PCNT: variants seen among roughly 807,000 people sequenced by gnomAD.
The protein encoded by PCNT is pericentrin.
PCNT carries 319 observed loss-of-function variants against 380.4 expected under a neutral mutation model. The ratio of observed to expected loss-of-function variants is 0.84; its 90% CI spans 0.77 to 0.92. PCNT has a LOEUF of 0.92. PCNT is among the 40% of genes least tolerant of loss of function. PCNT has a pLI of 0.00. For synonymous variants in PCNT, 1,845 were observed against 1,735.2 expected, an observed-to-expected ratio of 1.06 and a Z score of -1.57; for missense variants, 4,400 against 4,255.3, an observed-to-expected ratio of 1.03 and a Z score of -0.95.
At chr21:46,398,306 C>T in intron 24 of PCNT, 51 bp downstream of exon 24, 1 of 1,556,390 alleles carries the variant, frequency 6.4e-7, no homozygotes, top group Non-Finnish European at 8.7e-7. Flanking sequence ...GCCCAGGCTC[C>T]CCTGCGCTCG....
intron 16 of PCNT, among the ~76,000 whole-genome samples, chr21:46,383,459 G>A (rs1322509137): frequency 6.2e-5 from 9 of 144,618 alleles, no homozygotes; most frequent in East Asian, 4.3e-4. Context: ...GCGTTCAGTG[G>A]CAGAAGCGCA....
intron 11 of PCNT, among the ~76,000 whole-genome samples, chr21:46,354,398 T>C (rs1373318588): frequency 6.6e-6 from 1 of 152,268 alleles, no homozygotes; most frequent in African/African-American, 2.4e-5. Flanking sequence ...TGTCTTTGCT[T>C]TGAGTCCACA....
chr21:46,343,034 C>T, intron 3 of PCNT, among the ~76,000 whole-genome samples: 1 of 152,168 alleles, frequency 6.6e-6, no homozygotes, highest in East Asian at 1.9e-4. Context: ...TGAAACTTTA[C>T]TGAATTCATC....
At chr21:46,370,542 T>A (rs531436813) in intron 15 of PCNT, among the ~76,000 whole-genome samples, 22 of 151,860 alleles carry the variant, frequency 1.4e-4, no homozygotes, top group Admixed American at 7.9e-4. Flanking sequence ...GCTGGAGGGG[T>A]CATCCCAGGT....
At chr21:46,430,395 G>A (rs2087699824) in intron 36 of PCNT, 112 bp from the exon 37 acceptor site, 3 of 1,454,004 alleles carry the variant, frequency 2.1e-6, no homozygotes, top group Non-Finnish European at 2.8e-6. Context: ...GGTGGGGGGT[G>A]AAGCACACGT....
intron 1 of PCNT, among the ~76,000 whole-genome samples, chr21:46,324,485 C>T (rs1183714227): frequency 6.6e-5 from 10 of 151,600 alleles, no homozygotes; most frequent in African/African-American, 1.7e-4. Flanking sequence ...AGGTCCCGCC[C>T]CCGCCGCGGC....
chr21:46,389,074 T>A, intron 18 of PCNT, 125 bp from the exon 19 acceptor site: 7 of 1,258,170 alleles, frequency 5.6e-6, no homozygotes, highest in Non-Finnish European at 7.9e-6. Context: ...CCCGTGGACG[T>A]GGCGCTGACT....
In PCNT at chr21:46,416,535, C is replaced by A; in HGVS notation, c.6617C>A (p.Thr2206Asn). The A allele has an allele frequency of 2.5e-6, 4 of 1,613,722 alleles. No homozygotes were observed. Among genetic ancestry groups the A allele is most frequent in the Non-Finnish European group, 3.4e-6 (4 of 1,179,976 alleles). The change falls in exon 30 of 47, where the codon ACT becomes AAT. Residue 2206 changes from threonine (T) to asparagine (N), a missense_variant. By Grantham distance (65) the Thr-to-Asn change is moderately conservative. Coordinates refer to ENST00000359568, the MANE Select transcript of PCNT (RefSeq NM_006031.6). Reference sequence around the variant, plus strand: ...GGTGGCTCCCGCCACCAGAGCCACACTGCAGAGGCTGGGCCCCGGAAGAGC... The same window carrying A: ...GGTGGCTCCCGCCACCAGAGCCACAATGCAGAGGCTGGGCCCCGGAAGAGC... Reference protein sequence around the residue: ...VLGGSRHQSHTAEAGPRKSPV... With the variant: ...VLGGSRHQSHNAEAGPRKSPV...
chr21:46,346,964 G>T lies in PCNT; in HGVS notation c.942G>T (p.Lys314Asn). 6.3e-7 allele frequency: 1 copy of T among 1,596,646 alleles called. No individual in the cohort carries two copies. The highest frequency in any genetic ancestry group is 1.1e-5 in the South Asian group (1 of 87,898). ...TCAGGGAGCAGCACGCACGGGAGAA[G>T]GAGGAGGTGGTGCTCAGGTGTGGAC... ...ELLREQHARE[K>N]EEVVLRCGQE... Residue 314 changes from lysine (K) to asparagine (N), a missense_variant, in exon 5 of 47, where the codon AAG becomes AAT. By Grantham distance (94) the Lys-to-Asn change is moderately conservative. Coordinates refer to ENST00000359568, the MANE Select transcript of PCNT (RefSeq NM_006031.6).
At chr21:46,393,117 A>T (rs2086088859) in intron 21 of PCNT, among the ~76,000 whole-genome samples, 1 of 152,046 alleles carries the variant, frequency 6.6e-6, no homozygotes, top group African/African-American at 2.4e-5. Flanking sequence ...GGGCGGCGTC[A>T]TCTCCCCACG....
In PCNT at chr21:46,416,484, C is replaced by G; in HGVS notation, c.6566C>G (p.Ser2189Cys). Residue 2189 changes from serine to cysteine, a missense_variant, in exon 30 of 47, where the codon TCT becomes TGT. Ser to Cys is a moderately radical substitution (Grantham distance 112). Transcript: ENST00000359568. ...IQEKSECQDM[S>C]LSSPTSVLGG... is the part of the protein sequence containing the mutation. ...GAAAAATCAGAATGTCAGGACATGT[C>G]TCTTTCTTCACCGACCAGCGTACTT... The G allele has an allele frequency of 1.2e-6, 2 of 1,614,128 alleles. No homozygotes were observed. Among genetic ancestry groups the G allele is most frequent in the South Asian group, 1.1e-5 (1 of 91,086 alleles).
intron 15 of PCNT, among the ~76,000 whole-genome samples, chr21:46,372,659 A>T (rs2085192547): frequency 6.6e-6 from 1 of 152,202 alleles, no homozygotes; most frequent in African/African-American, 2.4e-5. Flanking sequence ...TCTAGCCATA[A>T]AGTAAGGTTT....
chr21:46,432,340 T>G, intron 38 of PCNT, 125 bp downstream of exon 38: 1 of 902,262 alleles, frequency 1.1e-6, no homozygotes, highest in Non-Finnish European at 1.8e-6. Flanking sequence ...CTGGTCTGTG[T>G]GCCCTGACGC....
chr21:46,361,074 T>TA (rs1405670710), intron 13 of PCNT, among the ~76,000 whole-genome samples: 1 of 152,200 alleles, frequency 6.6e-6, no homozygotes, highest in East Asian at 1.9e-4. Flanking sequence ...ATTATGTTTT[T>TA]AATAGTTGCT....
At chr21:46,437,210 G>A in intron 40 of PCNT, 129 bp downstream of exon 40, 1 of 683,356 alleles carries the variant, frequency 1.5e-6, no homozygotes, top group Non-Finnish European at 2.6e-6. Flanking sequence ...TGAATTCATG[G>A]TTGCTATCTG....
chr21:46,416,316 C>T lies in PCNT; in HGVS notation c.6398C>T (p.Thr2133Ile), dbSNP rs747029002. The part of the protein sequence containing the change: ...SPHIDTCDAN[T>I]ATGGVTDVIK... ...CACATAGACACATGTGATGCCAATACAGCCACGGGGGGTGTAACTGATGTT... is the reference window on the plus strand; with the variant it reads ...CACATAGACACATGTGATGCCAATATAGCCACGGGGGGTGTAACTGATGTT... Residue 2133 changes from threonine (T) to isoleucine (I), a missense_variant, in exon 30 of 47, where the codon ACA becomes ATA. By Grantham distance (89) the Thr-to-Ile change is moderately conservative. Coordinates refer to ENST00000359568, the MANE Select transcript of PCNT (RefSeq NM_006031.6). 6.8e-6 allele frequency: 11 copies of T among 1,613,960 alleles called. No homozygotes were observed. The highest frequency in any genetic ancestry group is 3.3e-4 in the Middle Eastern group (2 of 6,062).
Position 46,353,121 on chromosome 21 carries a change from C to T in PCNT, c.1474C>T (p.Leu492=), listed in dbSNP as rs772312106. ...QELSELHEQL[L]ARTSRVEDLE... is the part of the protein sequence containing the mutation. ...TGTTGCAGAGCTACATGAGCAACTC[C>T]TGGCGCGCACCTCTCGTGTGGAAGA... The change falls in exon 10 of 47, where the codon CTG becomes TTG. Residue 492 remains leucine, a synonymous_variant. Coordinates refer to ENST00000359568, the MANE Select transcript of PCNT (RefSeq NM_006031.6). 1.2e-5 allele frequency: 19 copies of T among 1,613,978 alleles called. No individual in the cohort carries two copies. The highest frequency in any genetic ancestry group is 1.7e-5 in the Admixed American group (1 of 60,024).
rs939589383 is a variant in PCNT at position 46,436,295 on chromosome 21, G to A, written c.8996+147G>A. 3.8e-5 allele frequency: 36 copies of A among 949,644 alleles called. No homozygotes were observed. The South Asian group carries it at 4.8e-4, about 13-fold the overall frequency. The allele number at this position is 949,644 out of a possible 1,614,324, so 58.8% of individuals were successfully genotyped here. On this transcript the variant is annotated intron_variant, in intron 39 of 46. Coordinates refer to ENST00000359568, the MANE Select transcript of PCNT (RefSeq NM_006031.6). ...AGTCCTCTTTCTGAGACTTTGCTGA[G>A]GGATTCCGGATTGGCAAGATGGCAT...
chr21:46,431,824 A>G lies in PCNT; in HGVS notation c.8360A>G (p.His2787Arg). ...TGCGTGCACCAGGACACACAGGCCC[A>G]TCACGCTCTGCTGCAGAAGCTGAAG... is the stretch of plus-strand genomic sequence containing the variant. ...EACVHQDTQA[H>R]HALLQKLKEE... is the part of the protein sequence containing the mutation. Residue 2787 changes from histidine (H) to arginine (R), a missense_variant, in exon 38 of 47, where the codon CAT (histidine) becomes CGT (arginine). By Grantham distance (29) the His-to-Arg change is conservative. Transcript: ENST00000359568. The G allele has an allele frequency of 1.2e-6, 2 of 1,613,904 alleles. No individual in the cohort carries two copies. Among genetic ancestry groups the G allele is most frequent in the Non-Finnish European group, 1.7e-6 (2 of 1,180,046 alleles).
Sources: gnomAD v4.1 joint callset for allele counts (sites outside exome capture counted in the v4.1 genomes callset) on GRCh38, gnomAD v4.1.1 for gene constraint, MANE v1.5 for transcripts, NCBI Gene and HGNC (gene_info 2026-07-23, HGNC 2026-07-21) for gene names.